Variants in MID2 observed in about 807,000 individuals in gnomAD.
The protein encoded by MID2 is probable E3 ubiquitin-protein ligase MID2.
Under a neutral mutation model 46.1 loss-of-function variants are expected in MID2, and 13 were observed. The ratio of observed to expected loss-of-function variants is 0.28; its 90% CI spans 0.18 to 0.45. The LOEUF (loss-of-function observed/expected upper bound fraction) is 0.45, where lower values mean the gene tolerates loss of function less well. Ranked by LOEUF, MID2 falls within the 20% of genes least tolerant of loss-of-function variation. The pLI is 1.00. For synonymous variants in MID2, 199 were observed against 212.3 expected, an observed-to-expected ratio of 0.94 and a Z score of 0.55; for missense variants, 431 against 575.4, an observed-to-expected ratio of 0.75 and a Z score of 2.57.
chrX:107,850,590 T>C (rs142246244), intron 2 of MID2, among the ~76,000 whole-genome samples: 145 of 112,581 alleles, frequency 1.3e-3, no homozygotes, highest in Non-Finnish European at 2.1e-3. Context: ...AGCATTTTCA[T>C]ATTAATGAAG....
intron 1 of MID2, among the ~76,000 whole-genome samples, chrX:107,830,160 G>C (rs965269925): frequency 1.2e-4 from 13 of 112,347 alleles, no homozygotes; most frequent in African/African-American, 4.2e-4. Flanking sequence ...GAAGAGGAGA[G>C]AATGTTGTCT....
At chrX:107,848,233 G>A (rs192306988) in intron 2 of MID2, among the ~76,000 whole-genome samples, 111 of 111,049 alleles carry the variant, frequency 1.0e-3, no homozygotes, top group Non-Finnish European at 1.7e-3. Flanking sequence ...AGAGGGGGAT[G>A]TGTATGAGAG....
chrX:107,882,043 A>G lies in MID2; in HGVS notation c.817-21915A>G, dbSNP rs1932331812. On this transcript the variant is annotated intron_variant, in intron 3 of 9. Coordinates refer to ENST00000262843, the MANE Select transcript of MID2 (RefSeq NM_012216.4). ...ATGGAACAGAACAGAGGCCTCAGAA[A>G]TAACACCACACATCTACAATCATCT... Among the ~76,000 whole-genome samples the G allele has an allele frequency of 2.7e-5, 3 of 112,127 alleles. No homozygotes were observed. The South Asian group carries it at 1.1e-3, about 42-fold the overall frequency.
At chrX:107,889,055 G>T (rs1404018784) in intron 3 of MID2, among the ~76,000 whole-genome samples, 2 of 111,113 alleles carry the variant, frequency 1.8e-5, no homozygotes, top group Non-Finnish European at 3.8e-5. Context: ...GCACACTGAT[G>T]GGTCTTGACT....
At chrX:107,846,605 C>A (rs1168711154) in intron 2 of MID2, among the ~76,000 whole-genome samples, 2 of 111,176 alleles carry the variant, frequency 1.8e-5, no homozygotes, top group Admixed American at 1.9e-4. Flanking sequence ...TCATCTCTAC[C>A]CAAACTGTGC....
chrX:107,903,874 G>A, intron 3 of MID2, 84 bp from the exon 4 acceptor site: 1 of 630,870 alleles, frequency 1.6e-6, no homozygotes, highest in Non-Finnish European at 2.7e-6. Flanking sequence ...AGTTGTGCAT[G>A]CTTAGCTGTC....
chrX:107,893,003 C>T (rs1483125254), intron 3 of MID2, among the ~76,000 whole-genome samples: 1 of 112,620 alleles, frequency 8.9e-6, no homozygotes, highest in African/African-American at 3.2e-5. Context: ...ACTAAAATGC[C>T]TAGCACATAA....
rs1932994168 is a variant in MID2 at position 107,917,642 on chromosome X, C to T, written c.1338C>T (p.Asn446=). ...LQYTIFTGQA[N]FISKSWCSWG... ...ACACCATATTCACTGGCCAGGCTAA[C>T]TTCATCAGTAAGTCATGGTGTAGTT... is the stretch of plus-strand genomic sequence containing the variant. Residue 446 remains asparagine (N), a synonymous_variant, in exon 7 of 10, where the codon AAC becomes AAT. Transcript: ENST00000262843. The T allele has an allele frequency of 8.3e-7, 1 of 1,211,881 alleles. No individual in the cohort carries two copies. Among genetic ancestry groups the T allele is most frequent in the African/African-American group, 1.7e-5 (1 of 57,803 alleles).
At chrX:107,894,305 TA>T (rs1205819353) in intron 3 of MID2, among the ~76,000 whole-genome samples, 1 of 111,053 alleles carries the variant, frequency 9.0e-6, no homozygotes, top group Non-Finnish European at 1.9e-5. Context: ...TACAATCTTT[TA>T]TGCATCATAA....
intron 2 of MID2, among the ~76,000 whole-genome samples, chrX:107,845,639 C>A (rs1378976777): frequency 1.8e-5 from 2 of 109,177 alleles, no homozygotes; most frequent in Non-Finnish European, 3.8e-5. Flanking sequence ...TTCAAAGGAA[C>A]GCCACAATGA....
At chrX:107,856,380 T>C (rs1931738282) in intron 3 of MID2, among the ~76,000 whole-genome samples, 1 of 112,290 alleles carries the variant, frequency 8.9e-6, no homozygotes. Context: ...TGATTGAATA[T>C]AGAGTAACAG....
chrX:107,873,799 C>T (rs1444885556), intron 3 of MID2, among the ~76,000 whole-genome samples: 1 of 110,993 alleles, frequency 9.0e-6, no homozygotes, highest in Non-Finnish European at 1.9e-5. Flanking sequence ...TGAGAAAAAC[C>T]GAGGATAATA....
intron 3 of MID2, among the ~76,000 whole-genome samples, chrX:107,869,718 G>A (rs963649430): frequency 3.6e-5 from 4 of 110,102 alleles, no homozygotes; most frequent in Admixed American, 9.7e-5. Context: ...ACTCTTGTCC[G>A]TGCTGTGAAT....
rs374988660 is a variant in MID2 at position 107,866,938 on chromosome X, C to A, written c.816+12234C>A. On this transcript the variant is annotated intron_variant, in intron 3 of 9. Transcript: ENST00000262843. ...CCTCTGAGACAGGCACTATTATTAT[C>A]CCCATTTTTCAGATGAGGAAACTCA... 6.1e-4 allele frequency among the ~76,000 whole-genome samples: 68 copies of A among 111,734 alleles called. No homozygotes were observed. The East Asian group carries it at 0.017, about 27-fold the overall frequency.
Position 107,928,157 on chromosome X carries a change from A to C in MID2, c.*1084A>C, listed in dbSNP as rs1933219145. Among the ~76,000 whole-genome samples, 2 of 112,290 alleles carry C rather than the reference A, an allele frequency of 1.8e-5. No individual in the cohort carries two copies. Among genetic ancestry groups the C allele is most frequent in the African/African-American group, 6.5e-5 (2 of 30,916 alleles). ...AACCTACTTTACTTAATCAGTAAAA[A>C]TTGAGTATTATTGATGCACCAACTA... On this transcript the variant is annotated 3_prime_UTR_variant, in exon 10 of 10. Coordinates refer to ENST00000262843, the MANE Select transcript of MID2 (RefSeq NM_012216.4).
Position 107,916,079 on chromosome X carries a change from T to C in MID2, c.1151T>C (p.Leu384Ser). 1 of 1,205,463 alleles carries C rather than the reference T, an allele frequency of 8.3e-7. No homozygotes were observed. Among genetic ancestry groups the C allele is most frequent in the Non-Finnish European group, 1.1e-6 (1 of 891,553 alleles). Residue 384 changes from leucine to serine, a missense_variant, in exon 6 of 10, where the codon TTA (leucine) becomes TCA (serine). Transcript: ENST00000262843. Reference protein sequence around the residue: ...NFNDAFENFALDFSREKKLLE... With the variant: ...NFNDAFENFASDFSREKKLLE... ...AATGATGCCTTTGAAAACTTTGCTT[T>C]AGATTTTTCCAGAGAAAAGAAACTG...
intron 3 of MID2, among the ~76,000 whole-genome samples, chrX:107,857,856 G>A (rs753089387): frequency 4.5e-5 from 5 of 112,336 alleles, no homozygotes; most frequent in African/African-American, 1.6e-4. Context: ...TATATTCACA[G>A]TGTATACCAG....
rs999505090 is a variant in MID2, at chrX:107,874,766, C to T, written c.816+20062C>T. Reference sequence around the variant, plus strand: ...CATAGTCTGAAGAATCCTGTAATACCTAAGAATCCCCTCAGTTGCTTGAGG... The same window carrying T: ...CATAGTCTGAAGAATCCTGTAATACTTAAGAATCCCCTCAGTTGCTTGAGG... On this transcript the variant is annotated intron_variant, in intron 3 of 9. Transcript: ENST00000262843. Among the ~76,000 whole-genome samples the T allele has an allele frequency of 3.6e-5, 4 of 111,367 alleles. No individual in the cohort carries two copies. The Admixed American group carries it at 3.8e-4, about 11-fold the overall frequency.
chrX:107,889,412 T>C (rs754910308), intron 3 of MID2, among the ~76,000 whole-genome samples: 1 of 111,806 alleles, frequency 8.9e-6, no homozygotes, highest in East Asian at 2.8e-4. Context: ...AATTCTGGGT[T>C]GAAAATTCTT....
Sources: gnomAD v4.1 joint callset for allele counts (sites outside exome capture counted in the v4.1 genomes callset) on GRCh38, gnomAD v4.1.1 for gene constraint, MANE v1.5 for transcripts, NCBI Gene and HGNC (gene_info 2026-07-23, HGNC 2026-07-21) for gene names.